Variants in USP14 observed in about 807,000 individuals in gnomAD.
USP14 encodes ubiquitin specific peptidase 14, also known as ubiquitin carboxyl-terminal hydrolase 14.
In USP14, 38 loss-of-function variants were observed where a neutral mutation model predicts 76.5. The observed-to-expected ratio is 0.50, with a 90% CI of 0.38 to 0.65. The LOEUF is 0.65. Among genes scored for constraint, USP14 ranks in the 30% least tolerant of loss-of-function variants. The pLI, the probability that USP14 is intolerant of heterozygous loss-of-function variation, is 0.00. For synonymous variants in USP14, 192 were observed against 191.7 expected (o/e 1.00, Z -0.01); for missense variants, 467 against 586.5 (o/e 0.80, Z 2.10).
At chr18:206,214 C>T (rs1343475687) in intron 13 of USP14, among the ~76,000 whole-genome samples, 1 of 152,214 alleles carries the variant, frequency 6.6e-6, no homozygotes, top group Admixed American at 6.5e-5. Flanking sequence ...GCATTCTCAC[C>T]AGCATTTGGT....
chr18:197,651 A>G lies in USP14; in HGVS notation c.630A>G (p.Val210=). The stretch of plus-strand genomic sequence containing the variant: ...AATGTTGGATACAAATGATGCGAGT[A>G]TTGCAACAGAAATTGGAAGCAATAG... ...ANECWIQMMR[V]LQQKLEAIED... Residue 210 remains valine (V), a synonymous_variant, in exon 8 of 16, where the codon GTA becomes GTG. Coordinates refer to ENST00000261601, the MANE Select transcript of USP14 (RefSeq NM_005151.4). 1.9e-6 allele frequency: 3 copies of G among 1,612,764 alleles called. No homozygotes were observed. The highest frequency in any genetic ancestry group is 2.5e-6 in the Non-Finnish European group (3 of 1,179,290).
intron 5 of USP14, among the ~76,000 whole-genome samples, chr18:190,982 A>G (rs561379154): frequency 8.5e-5 from 13 of 152,252 alleles, no homozygotes; most frequent in African/African-American, 2.6e-4. Context: ...AAAAAGGTTG[A>G]TAATTCATTA....
intron 1 of USP14, among the ~76,000 whole-genome samples, chr18:161,965 A>G (rs1252303894): frequency 6.6e-6 from 1 of 152,192 alleles, no homozygotes; most frequent in Non-Finnish European, 1.5e-5. Flanking sequence ...TGTCACCTTC[A>G]TTCACATCCT....
Position 160,819 on chromosome 18 carries a change from C to T in USP14, c.16+2105C>T, listed in dbSNP as rs1305447156. On this transcript the variant is annotated intron_variant, in intron 1 of 15. Coordinates refer to ENST00000261601, the MANE Select transcript of USP14 (RefSeq NM_005151.4). ...GCCTTCTTCAAGCCTGATTTCTCTGCTGCTGCAAGTGATCTAATAGTATTC... is the reference window on the plus strand; with the variant it reads ...GCCTTCTTCAAGCCTGATTTCTCTGTTGCTGCAAGTGATCTAATAGTATTC... Among the ~76,000 whole-genome samples the T allele has an allele frequency of 2.0e-5, 3 of 152,218 alleles. No homozygotes were observed. In the East Asian group the frequency reaches 5.8e-4, roughly 29 times the overall value.
At chr18:169,047 A>G (rs2144216300) in intron 3 of USP14, among the ~76,000 whole-genome samples, 1 of 151,684 alleles carries the variant, frequency 6.6e-6, no homozygotes, top group Non-Finnish European at 1.5e-5. Flanking sequence ...ACTGTACTCT[A>G]GCCTGGGCAA....
In USP14 at chr18:213,461, G is replaced by A. The variant is rs1910734811; in HGVS notation, c.*2177G>A. 1 of 152,300 alleles carries A rather than the reference G, an allele frequency of 6.6e-6. No individual in the cohort carries two copies. Among genetic ancestry groups the A allele is most frequent in the South Asian group, 2.1e-4 (1 of 4,810 alleles). The allele number at this position is 152,300 out of a possible 1,614,324, so 9.4% of individuals were successfully genotyped here. On this transcript the variant is annotated 3_prime_UTR_variant, in exon 16 of 16. Coordinates refer to ENST00000261601, the MANE Select transcript of USP14 (RefSeq NM_005151.4). ...TACCAGTGTTGTTTTTAACTAATAAGGCTATTTTAGAATTCAGCCTTGCCT... is the reference window on the plus strand; with the variant it reads ...TACCAGTGTTGTTTTTAACTAATAAAGCTATTTTAGAATTCAGCCTTGCCT...
At chr18:181,716 T>C (rs1451892319) in intron 5 of USP14, among the ~76,000 whole-genome samples, 1 of 152,178 alleles carries the variant, frequency 6.6e-6, no homozygotes, top group Non-Finnish European at 1.5e-5. Flanking sequence ...ATGCAAATGT[T>C]TTTTAATTTT....
In USP14 at chr18:187,755, G is replaced by A. The variant is rs531404076; in HGVS notation, c.405-5087G>A. The stretch of plus-strand genomic sequence containing the variant: ...TAATTTCAAATATCAGATTTCCATG[G>A]TTCCAAGATATACTTTCCCCTAATA... On this transcript the variant is annotated intron_variant, in intron 5 of 15. Transcript: ENST00000261601. 2.6e-4 allele frequency among the ~76,000 whole-genome samples: 40 copies of A among 152,186 alleles called. No homozygotes were observed. In the South Asian group the frequency reaches 6.2e-3, roughly 24 times the overall value.
At position 212,958 on chromosome 18, in the gene USP14, A is replaced by AAT. The variant is rs1198689080; in HGVS notation, c.*1675_*1676dup. On this transcript the variant is annotated 3_prime_UTR_variant, in exon 16 of 16. Transcript: ENST00000261601. ...TTTACTTTCAAATCTGATGTGATGC[A>AAT]ATCTGTGAACACTAGGAGGGGATAA... The AAT allele has an allele frequency of 1.3e-5, 2 of 152,242 alleles. No individual in the cohort carries two copies. The highest frequency in any genetic ancestry group is 6.5e-5 in the Admixed American group (1 of 15,282). 9.4% of individuals were successfully genotyped at this position (152,242 alleles called of 1,614,324 possible).
chr18:158,752 C>A (rs1008210778), intron 1 of USP14, 38 bp downstream of exon 1: 1 of 1,471,306 alleles, frequency 6.8e-7, no homozygotes, highest in Admixed American at 2.4e-5. Context: ...GCACACCGGA[C>A]CGGCGCTAGG....
intron 15 of USP14, 24 bp downstream of exon 15, chr18:210,517 T>C (rs769706587): frequency 6.7e-7 from 1 of 1,482,160 alleles, no homozygotes; most frequent in Non-Finnish European, 9.3e-7. Flanking sequence ...TTTTTTCAAC[T>C]GTTCAATATT....
At chr18:196,564 T>C in intron 6 of USP14, 73 bp from the exon 7 acceptor site, 6 of 1,496,310 alleles carry the variant, frequency 4.0e-6, no homozygotes, top group Non-Finnish European at 4.5e-6. Flanking sequence ...TTGTATTAAT[T>C]AAAATTAATT....
chr18:173,372 A>C (rs749464624), intron 3 of USP14, among the ~76,000 whole-genome samples: 1 of 150,924 alleles, frequency 6.6e-6, no homozygotes, highest in Non-Finnish European at 1.5e-5. Flanking sequence ...TGGCCTCCCA[A>C]AGTGCTGGGA....
chr18:188,731 G>T (rs1185879912), intron 5 of USP14, among the ~76,000 whole-genome samples: 1 of 152,024 alleles, frequency 6.6e-6, no homozygotes, highest in Non-Finnish European at 1.5e-5. Context: ...AGGCTGGAGT[G>T]CAGTGGCATG....
intron 3 of USP14, among the ~76,000 whole-genome samples, chr18:171,039 T>A (rs1462576087): frequency 2.9e-5 from 4 of 135,908 alleles, no homozygotes; most frequent in East Asian, 2.3e-4. Flanking sequence ...TATATATATA[T>A]ATATATATAT....
At chr18:192,589 T>C (rs1488981393) in intron 5 of USP14, among the ~76,000 whole-genome samples, 5 of 152,034 alleles carry the variant, frequency 3.3e-5, no homozygotes. Context: ...TAAAATAAAA[T>C]GTTCGTTTTA....
intron 5 of USP14, among the ~76,000 whole-genome samples, chr18:184,576 A>T (rs1909877043): frequency 6.6e-6 from 1 of 152,094 alleles, no homozygotes; most frequent in Non-Finnish European, 1.5e-5. Context: ...CAACGTGGCA[A>T]AACCCCACCT....
chr18:213,723 TA>T lies in USP14; in HGVS notation c.*2442del, dbSNP rs1430788515. ...CGATGATGACCTCATCTTAGAGCCC[TA>T]AAGGGAAATGCTTATGTGGGAACAA... On this transcript the variant is annotated 3_prime_UTR_variant, in exon 16 of 16. Transcript: ENST00000261601. 1 of 152,394 alleles carries T rather than the reference TA, an allele frequency of 6.6e-6. No homozygotes were observed. Among genetic ancestry groups the T allele is most frequent in the African/African-American group, 2.4e-5 (1 of 41,426 alleles). 9.4% of individuals were successfully genotyped at this position (152,394 alleles called of 1,614,324 possible). A position where few individuals can be genotyped will look rare whatever the true frequency, so the allele number is the denominator to read the frequency against.
intron 3 of USP14, 130 bp from the exon 4 acceptor site, chr18:178,803 T>C (rs1909701097): frequency 1.7e-6 from 1 of 600,754 alleles, no homozygotes; most frequent in African/African-American, 1.9e-5. Flanking sequence ...TAATCTACTT[T>C]CTGCAGATTT....
Sources: gnomAD v4.1 joint callset for allele counts (sites outside exome capture counted in the v4.1 genomes callset) on GRCh38, gnomAD v4.1.1 for gene constraint, MANE v1.5 for transcripts, NCBI Gene and HGNC (gene_info 2026-07-23, HGNC 2026-07-21) for gene names.